PRTFDC1: variants seen among roughly 807,000 people sequenced by gnomAD.
The protein encoded by PRTFDC1 is phosphoribosyltransferase domain-containing protein 1.
PRTFDC1 carries 38 observed loss-of-function variants against 34.6 expected under a neutral mutation model. That is an observed-to-expected ratio of 1.10 (90% CI 0.85 to 1.44). The LOEUF (loss-of-function observed/expected upper bound fraction) is 1.44, where lower values mean the gene tolerates loss of function less well. Among genes scored for constraint, PRTFDC1 ranks in the 40% most tolerant of loss-of-function variants. The pLI, the probability that PRTFDC1 is intolerant of heterozygous loss-of-function variation, is 0.00. For missense variants in PRTFDC1, 270 were observed against 283.0 expected (o/e 0.95, Z 0.33); for synonymous variants, 93 against 98.1 (o/e 0.95, Z 0.31).
rs745976863 is a variant in PRTFDC1, at chr10:24,855,356, AC to A, written c.514del (p.Val172Ter). On this transcript the variant is annotated frameshift_variant, in exon 7 of 9. Coordinates refer to ENST00000320152, the MANE Select transcript of PRTFDC1 (RefSeq NM_020200.7). LOFTEE classifies it high-confidence loss of function. ...GCCGTCACTTCTGGATGTTCTCTTC[AC>A]CAACAAACTACCATTAAAAAAGACA... ...PNMIKVASLL[V>X]KRTSRSDGFR... 1.9e-6 allele frequency: 3 copies of A among 1,614,112 alleles called. No homozygotes were observed. Among genetic ancestry groups the A allele is most frequent in the Non-Finnish European group, 2.5e-6 (3 of 1,179,984 alleles).
At chr10:24,928,751 C>G (rs1848920707) in intron 3 of PRTFDC1, among the ~76,000 whole-genome samples, 1 of 151,560 alleles carries the variant, frequency 6.6e-6, no homozygotes. Flanking sequence ...GAAAAAGAAG[C>G]TTTCGGCTGA....
chr10:24,929,783 G>A (rs1848942802), intron 3 of PRTFDC1, among the ~76,000 whole-genome samples: 1 of 152,130 alleles, frequency 6.6e-6, no homozygotes, highest in African/African-American at 2.4e-5. Context: ...ATACAAAAAA[G>A]CTGTCTAAAA....
intron 3 of PRTFDC1, among the ~76,000 whole-genome samples, chr10:24,931,530 T>C (rs1848971715): frequency 6.6e-6 from 1 of 151,994 alleles, no homozygotes; most frequent in South Asian, 2.1e-4. Flanking sequence ...AATTTAATAC[T>C]ATCAGGACTG....
intron 3 of PRTFDC1, among the ~76,000 whole-genome samples, chr10:24,928,647 T>C (rs925945169): frequency 1.3e-5 from 2 of 152,056 alleles, no homozygotes; most frequent in South Asian, 2.1e-4. Context: ...TTTCACCATG[T>C]TGGCCAGGCT....
chr10:24,865,863 G>A (rs1300950010), intron 4 of PRTFDC1, among the ~76,000 whole-genome samples: 1 of 152,128 alleles, frequency 6.6e-6, no homozygotes, highest in Admixed American at 6.6e-5. Context: ...GTAGGAATGT[G>A]AATATAAACC....
chr10:24,856,560 C>T (rs1565256106), intron 6 of PRTFDC1, among the ~76,000 whole-genome samples: 1 of 151,898 alleles, frequency 6.6e-6, no homozygotes, highest in Non-Finnish European at 1.5e-5. Flanking sequence ...TGCACTCCAG[C>T]CCAGCCTGGG....
At chr10:24,856,718 A>G (rs568559511) in intron 6 of PRTFDC1, among the ~76,000 whole-genome samples, 195 bp downstream of exon 6, 1 of 152,342 alleles carries the variant, frequency 6.6e-6, no homozygotes, top group East Asian at 1.9e-4. Flanking sequence ...ACGGCAAAGC[A>G]CGTCTTCTTC....
At chr10:24,860,638 T>G (rs999658200) in intron 4 of PRTFDC1, among the ~76,000 whole-genome samples, 8 of 152,142 alleles carry the variant, frequency 5.3e-5, no homozygotes, top group African/African-American at 1.7e-4. Flanking sequence ...TGTATAAGAT[T>G]ATTTTGTCCA....
intron 1 of PRTFDC1, among the ~76,000 whole-genome samples, chr10:24,951,800 G>T (rs1849349681): frequency 6.6e-6 from 1 of 152,112 alleles, no homozygotes; most frequent in African/African-American, 2.4e-5. Flanking sequence ...GGCTGACACC[G>T]TCAGGATTCT....
In PRTFDC1 at chr10:24,858,399, A is replaced by G. The variant is rs748761519; in HGVS notation, c.416T>C (p.Ile139Thr). Residue 139 changes from isoleucine (I) to threonine (T), a missense_variant, in exon 5 of 9, where the codon ATT becomes ACT. Transcript: ENST00000320152. ...LSTLAGKNVL[I>T]VEDVVGTGRT... ...AAGGAAATGCCAGCTTACCTCAACA[A>G]TGAGAACATTCTGAAATAAACAAAA... 17 of 1,613,408 alleles carry G rather than the reference A, an allele frequency of 1.1e-5. No individual in the cohort carries two copies. Among genetic ancestry groups the G allele is most frequent in the Middle Eastern group, 1.7e-4 (1 of 6,056 alleles).
At chr10:24,913,286 A>G (rs1452832841) in intron 3 of PRTFDC1, among the ~76,000 whole-genome samples, 1 of 152,196 alleles carries the variant, frequency 6.6e-6, no homozygotes, top group Non-Finnish European at 1.5e-5. Flanking sequence ...GGAAGGTGTA[A>G]TATTGTCAAG....
intron 3 of PRTFDC1, among the ~76,000 whole-genome samples, chr10:24,891,517 G>T (rs1407175959): frequency 2.6e-5 from 4 of 152,054 alleles, no homozygotes; most frequent in African/African-American, 2.4e-5. Context: ...CTCAGGCTGG[G>T]TGCAGTGGCT....
At chr10:24,855,082 C>T (rs1218332328) in intron 7 of PRTFDC1, among the ~76,000 whole-genome samples, 1 of 152,160 alleles carries the variant, frequency 6.6e-6, no homozygotes, top group Non-Finnish European at 1.5e-5. Flanking sequence ...ATGCACGGAA[C>T]AGAGTTCCTG....
At chr10:24,895,529 G>A (rs1588598923) in intron 3 of PRTFDC1, among the ~76,000 whole-genome samples, 1 of 151,000 alleles carries the variant, frequency 6.6e-6, no homozygotes, top group African/African-American at 2.4e-5. Flanking sequence ...GAGATTACAG[G>A]TGTGAGCCAC....
intron 3 of PRTFDC1, among the ~76,000 whole-genome samples, chr10:24,925,208 C>T (rs1848851446): frequency 1.3e-5 from 2 of 152,120 alleles, no homozygotes; most frequent in Admixed American, 1.3e-4. Context: ...TTTTAGCAAA[C>T]TATCACAAGG....
chr10:24,917,547 T>C (rs530575221), intron 3 of PRTFDC1, among the ~76,000 whole-genome samples: 2 of 152,344 alleles, frequency 1.3e-5, no homozygotes, highest in East Asian at 3.9e-4. Flanking sequence ...CTCGCTCTAT[T>C]TTCTTGGGGT....
chr10:24,856,424 T>A (rs201750159), intron 6 of PRTFDC1, among the ~76,000 whole-genome samples: 8 of 151,822 alleles, frequency 5.3e-5, no homozygotes, highest in East Asian at 3.9e-4. Context: ...CCATCTCTGC[T>A]AAAAATACAA....
At chr10:24,858,488 G>C (rs534221351) in intron 4 of PRTFDC1, 79 bp from the exon 5 acceptor site, 1 of 1,465,490 alleles carries the variant, frequency 6.8e-7, no homozygotes, top group East Asian at 2.3e-5. Context: ...TTTGCTTATA[G>C]TTAGAATTTC....
chr10:24,900,929 T>C (rs143267039), intron 3 of PRTFDC1, among the ~76,000 whole-genome samples: 4,938 of 152,306 alleles, frequency 0.032, 110 homozygotes, highest in Middle Eastern at 0.051. Flanking sequence ...TATTTTGTGG[T>C]AACTTGTCGC....
Sources: gnomAD v4.1 joint callset for allele counts (sites outside exome capture counted in the v4.1 genomes callset) on GRCh38, gnomAD v4.1.1 for gene constraint, MANE v1.5 for transcripts, NCBI Gene and HGNC (gene_info 2026-07-23, HGNC 2026-07-21) for gene names.